Variants in SPECC1 observed in about 807,000 individuals in gnomAD.
The protein encoded by SPECC1 is cytospin-B.
Under a neutral mutation model 104.1 loss-of-function variants are expected in SPECC1, and 62 were observed. That is an observed-to-expected ratio of 0.60 (90% CI 0.49 to 0.74). The LOEUF is 0.74. Among genes scored for constraint, SPECC1 ranks in the 30% least tolerant of loss-of-function variants. SPECC1 has a pLI of 0.00. For synonymous variants in SPECC1, 513 were observed against 501.6 expected, an observed-to-expected ratio of 1.02 and a Z score of -0.30; for missense variants, 1,306 against 1,310.5, an observed-to-expected ratio of 1.00 and a Z score of 0.05.
intron 1 of SPECC1, among the ~76,000 whole-genome samples, chr17:20,067,777 T>G (rs2046408546): frequency 6.6e-6 from 1 of 152,194 alleles, no homozygotes; most frequent in South Asian, 2.1e-4. Context: ...TTTGTTTGTA[T>G]CTTCACAAAG....
At chr17:20,157,205 GCCC>G (rs1472701791) in intron 3 of SPECC1, among the ~76,000 whole-genome samples, 3 of 152,074 alleles carry the variant, frequency 2.0e-5, no homozygotes, top group African/African-American at 7.2e-5. Flanking sequence ...ATCTCCCAGC[GCCC>G]CAGCCGCCCC....
chr17:20,160,006 G>C (rs185970882), intron 3 of SPECC1, among the ~76,000 whole-genome samples: 140 of 152,288 alleles, frequency 9.2e-4, no homozygotes, highest in African/African-American at 3.2e-3. Flanking sequence ...TGTTAAAGAA[G>C]TCTTAGAAAG....
At chr17:20,273,792 G>A (rs969339685) in intron 12 of SPECC1, among the ~76,000 whole-genome samples, 1 of 152,130 alleles carries the variant, frequency 6.6e-6, no homozygotes, top group Non-Finnish European at 1.5e-5. Flanking sequence ...AGTTTGCTTC[G>A]GTCTGTTATG....
rs1235621657 is a variant in SPECC1, at chr17:20,281,162, TG to T, written c.2941-15796del. 8.5e-5 allele frequency among the ~76,000 whole-genome samples: 13 copies of T among 152,310 alleles called. 1 individual carries two copies. The East Asian group carries it at 2.5e-3, about 29-fold the overall frequency. On this transcript the variant is annotated intron_variant, in intron 12 of 14. Transcript: ENST00000395527. ...GGGTGAAACCATGTGCTGTAAGCCA[TG>T]GGAACTCAACTCTGGCCCATGTCAA...
intron 4 of SPECC1, among the ~76,000 whole-genome samples, chr17:20,215,460 A>G (rs1002887556): frequency 1.3e-5 from 2 of 152,226 alleles, no homozygotes; most frequent in Non-Finnish European, 2.9e-5. Context: ...TTTATGAGTC[A>G]GGTATCTTTC....
chr17:20,223,465 G>A (rs2038015285), intron 4 of SPECC1, among the ~76,000 whole-genome samples: 1 of 152,036 alleles, frequency 6.6e-6, no homozygotes, highest in African/African-American at 2.4e-5. Context: ...CACGAGGTCA[G>A]GAGTTTGAGA....
At chr17:20,305,977 T>C in intron 13 of SPECC1, 46 bp from the exon 14 acceptor site, 1 of 1,548,514 alleles carries the variant, frequency 6.5e-7, no homozygotes, top group Non-Finnish European at 8.9e-7. Flanking sequence ...GCAAAAGCTA[T>C]ATATTTTAAA....
intron 12 of SPECC1, among the ~76,000 whole-genome samples, chr17:20,289,984 T>A (rs1324464184): frequency 6.6e-6 from 1 of 152,118 alleles, no homozygotes; most frequent in Non-Finnish European, 1.5e-5. Context: ...CTGACTAGAT[T>A]TGGACTTTTA....
At chr17:20,290,993 T>C (rs1006908370) in intron 12 of SPECC1, among the ~76,000 whole-genome samples, 14 of 152,224 alleles carry the variant, frequency 9.2e-5, no homozygotes, top group African/African-American at 3.1e-4. Context: ...AATGTTCTCA[T>C]GTTTTTGGAA....
intron 12 of SPECC1, among the ~76,000 whole-genome samples, chr17:20,266,290 G>A (rs1162107797): frequency 1.3e-5 from 2 of 152,234 alleles, no homozygotes; most frequent in African/African-American, 2.4e-5. Flanking sequence ...AGGTAATATT[G>A]TAGGTGCTGG....
chr17:20,248,174 G>A (rs186016103), intron 9 of SPECC1, among the ~76,000 whole-genome samples: 35 of 152,266 alleles, frequency 2.3e-4, no homozygotes, highest in Middle Eastern at 3.4e-3. Context: ...ACAGAACAGC[G>A]AATGCCTTCC....
intron 12 of SPECC1, among the ~76,000 whole-genome samples, chr17:20,294,335 G>A (rs140545447): frequency 7.2e-5 from 11 of 152,322 alleles, no homozygotes; most frequent in East Asian, 1.9e-4. Context: ...GCTGGGGGCT[G>A]CACCCATCCC....
intron 4 of SPECC1, among the ~76,000 whole-genome samples, chr17:20,224,708 C>T (rs1443486349): frequency 1.3e-5 from 2 of 152,142 alleles, no homozygotes; most frequent in Admixed American, 6.5e-5. Context: ...TCTCTCCCTT[C>T]AGGTCCACGG....
At chr17:20,259,544 T>G (rs1256682243) in intron 11 of SPECC1, among the ~76,000 whole-genome samples, 1 of 152,148 alleles carries the variant, frequency 6.6e-6, no homozygotes, top group Non-Finnish European at 1.5e-5. Flanking sequence ...CTTGCTCTGT[T>G]GCCCGGGCTG....
chr17:20,047,742 T>A (rs1026162856), intron 1 of SPECC1, among the ~76,000 whole-genome samples: 1 of 151,608 alleles, frequency 6.6e-6, no homozygotes, highest in African/African-American at 2.4e-5. Context: ...GGACTACAGG[T>A]GCCTGCCACC....
intron 10 of SPECC1, among the ~76,000 whole-genome samples, chr17:20,253,859 G>A (rs2039724477): frequency 1.3e-5 from 2 of 151,892 alleles, no homozygotes; most frequent in African/African-American, 2.4e-5. Flanking sequence ...CAGAGACATG[G>A]TCTTGCTTTG....
At chr17:20,111,236 T>C (rs1332675622) in intron 3 of SPECC1, among the ~76,000 whole-genome samples, 1 of 152,242 alleles carries the variant, frequency 6.6e-6, no homozygotes, top group African/African-American at 2.4e-5. Flanking sequence ...TGCTAAATTG[T>C]CTAAGACGGG....
intron 1 of SPECC1, among the ~76,000 whole-genome samples, chr17:20,081,795 G>T (rs28637614): frequency 0.5 from 75,363 of 151,716 alleles, 19,272 homozygotes; most frequent in Middle Eastern, 0.61. Context: ...AGCTATGCTG[G>T]GGCCCTGAGT....
intron 1 of SPECC1, among the ~76,000 whole-genome samples, chr17:20,051,125 T>C (rs56403822): frequency 0.047 from 3,095 of 65,858 alleles, 35 homozygotes; most frequent in African/African-American, 0.05. Context: ...TCTTTCTTTC[T>C]TTCTTTCTTT....
Sources: allele counts gnomAD v4.1 joint callset (sites outside exome capture counted in the v4.1 genomes callset), GRCh38; gene constraint gnomAD v4.1.1; transcripts MANE v1.5; gene names NCBI Gene and HGNC (gene_info 2026-07-23, HGNC 2026-07-21).